Variants in CDH23 observed in about 807,000 individuals in gnomAD.
CDH23 encodes the protein cadherin related 23, also known as cadherin-23.
In CDH23, 189 loss-of-function variants were observed where a neutral mutation model predicts 317.1. The ratio of observed to expected loss-of-function variants is 0.60; its 90% CI spans 0.53 to 0.67. The LOEUF (loss-of-function observed/expected upper bound fraction) is 0.67, where lower values mean the gene tolerates loss of function less well. Ranked by LOEUF, CDH23 falls within the 30% of genes least tolerant of loss-of-function variation. CDH23 has a pLI of 0.00. For synonymous variants in CDH23, 1,839 were observed against 1,876.8 expected (o/e 0.98, Z 0.52); for missense variants, 4,401 against 4,592.4 (o/e 0.96, Z 1.20).
At chr10:71,513,754 G>A (rs968237712) in intron 6 of CDH23, among the ~76,000 whole-genome samples, 2 of 152,198 alleles carry the variant, frequency 1.3e-5, no homozygotes, top group Non-Finnish European at 2.9e-5. Context: ...AAACTAGGGA[G>A]TTGAACCCAG....
At chr10:71,796,254 G>C (rs1432322620) in intron 48 of CDH23, among the ~76,000 whole-genome samples, 1 of 152,214 alleles carries the variant, frequency 6.6e-6, no homozygotes, top group Non-Finnish European at 1.5e-5. Context: ...GCAGGAACAA[G>C]AAAGGTCCCA....
Position 71,566,942 on chromosome 10 carries a change from T to C in CDH23, c.624+6T>C. On this transcript the variant is annotated splice_donor_region_variant and intron_variant, in intron 7 of 69. Transcript: ENST00000224721. ...AGCTCACGGTCAACGCCACAGTGAG[T>C]CTCCATGCTGGGGCCCCGGCCGTCC... 1 of 1,609,974 alleles carries C rather than the reference T, an allele frequency of 6.2e-7. No individual in the cohort carries two copies. The highest frequency in any genetic ancestry group is 2.2e-5 in the East Asian group (1 of 44,838).
intron 6 of CDH23, among the ~76,000 whole-genome samples, chr10:71,534,105 C>T (rs1015041113): frequency 2.6e-5 from 4 of 152,120 alleles, no homozygotes; most frequent in African/African-American, 9.7e-5. Context: ...CCCTTTGCGC[C>T]GAGATGCCCA....
chr10:71,684,147 A>T (rs1227092), intron 18 of CDH23, among the ~76,000 whole-genome samples: 47,598 of 150,684 alleles, frequency 0.32, 8,044 homozygotes, highest in South Asian at 0.44. Flanking sequence ...GTAACCTCCC[A>T]CCTAGAAACA....
At chr10:71,605,222 T>C (rs952404425) in intron 9 of CDH23, among the ~76,000 whole-genome samples, 1 of 152,040 alleles carries the variant, frequency 6.6e-6, no homozygotes, top group Non-Finnish European at 1.5e-5. Context: ...GGATTATTTT[T>C]TAAAGGAACT....
intron 44 of CDH23, among the ~76,000 whole-genome samples, chr10:71,788,677 G>A (rs1267140453): frequency 2.6e-5 from 4 of 151,814 alleles, no homozygotes; most frequent in South Asian, 2.1e-4. Flanking sequence ...GGATGGTCTC[G>A]ATCTCCTGAC....
chr10:71,679,235 G>C (rs1180843239), intron 16 of CDH23, among the ~76,000 whole-genome samples, 152 bp from the exon 17 acceptor site: 2 of 152,180 alleles, frequency 1.3e-5, no homozygotes, highest in African/African-American at 2.4e-5. Context: ...GGTGCCTCCT[G>C]GCGTCCTGGG....
At chr10:71,692,155 G>A (rs1195310148) in intron 20 of CDH23, among the ~76,000 whole-genome samples, 1 of 152,182 alleles carries the variant, frequency 6.6e-6, no homozygotes, top group Non-Finnish European at 1.5e-5. Context: ...TTTTCCAGAT[G>A]AGGAAGCTGA....
chr10:71,547,542 G>T (rs1317476716), intron 6 of CDH23, among the ~76,000 whole-genome samples: 1 of 152,230 alleles, frequency 6.6e-6, no homozygotes, highest in East Asian at 1.9e-4. Flanking sequence ...TAGGGTTGTG[G>T]CGACACGCCC....
intron 38 of CDH23, among the ~76,000 whole-genome samples, chr10:71,765,524 C>T (rs1589408251): frequency 6.6e-6 from 1 of 152,276 alleles, no homozygotes; most frequent in South Asian, 2.1e-4. Flanking sequence ...GGGCAGGGCA[C>T]CAGGCTGGGA....
chr10:71,811,516 G>C lies in CDH23; in HGVS notation c.9204G>C (p.Ala3068=). 6.2e-7 allele frequency: 1 copy of C among 1,613,928 alleles called. No homozygotes were observed. Among genetic ancestry groups the C allele is most frequent in the Non-Finnish European group, 8.5e-7 (1 of 1,179,880 alleles). The change falls in exon 64 of 70, where the codon GCG becomes GCC. Residue 3068 remains alanine, a synonymous_variant. Transcript: ENST00000224721. Reference sequence around the variant, plus strand: ...CCCTGGTCCTGCTCCCGCAGATGGCGATCATCGTCCTGGCTATCCTCCTGT... The same window carrying C: ...CCCTGGTCCTGCTCCCGCAGATGGCCATCATCGTCCTGGCTATCCTCCTGT... The part of the protein sequence containing the change: ...LPDDMSALQM[A]IIVLAILLFL...
chr10:71,780,175 C>T (rs988112310), intron 41 of CDH23, among the ~76,000 whole-genome samples: 2 of 152,130 alleles, frequency 1.3e-5, no homozygotes, highest in African/African-American at 2.4e-5. Flanking sequence ...TTTAATTGGT[C>T]GTGCAGGAAA....
At chr10:71,623,336 C>T (rs1460029067) in intron 11 of CDH23, among the ~76,000 whole-genome samples, 1 of 152,222 alleles carries the variant, frequency 6.6e-6, no homozygotes, top group Non-Finnish European at 1.5e-5. Context: ...GGGCAGAGAT[C>T]CCCAAAAGGG....
At chr10:71,522,041 A>G (rs1383434201) in intron 6 of CDH23, among the ~76,000 whole-genome samples, 1 of 151,608 alleles carries the variant, frequency 6.6e-6, no homozygotes, top group Non-Finnish European at 1.5e-5. Flanking sequence ...TGTCCACTCC[A>G]TGCTGTCTGG....
Position 71,662,333 on chromosome 10 carries a change from C to T in CDH23, c.1450-12779C>T, listed in dbSNP as rs557493466. Among the ~76,000 whole-genome samples, 6 of 152,242 alleles carry T rather than the reference C, an allele frequency of 3.9e-5. No homozygotes were observed. The South Asian group carries it at 1.2e-3, about 32-fold the overall frequency. ...GGGTGTCCTGCCAGGCACCAAGTCA[C>T]CTTGGAGTGAGGACATGTCCCTGGA... On this transcript the variant is annotated intron_variant, in intron 14 of 69. Coordinates refer to ENST00000224721, the MANE Select transcript of CDH23 (RefSeq NM_022124.6).
intron 2 of CDH23, among the ~76,000 whole-genome samples, chr10:71,440,400 G>C (rs1424635727): frequency 4.6e-5 from 7 of 152,224 alleles, no homozygotes; most frequent in Admixed American, 4.6e-4. Flanking sequence ...GGTAATGAAA[G>C]ATGGGCGCGG....
At chr10:71,466,875 G>GGTGT (rs148614100) in intron 3 of CDH23, among the ~76,000 whole-genome samples, 4 of 150,446 alleles carry the variant, frequency 2.7e-5, no homozygotes, top group African/African-American at 7.4e-5. Context: ...CAGCATGAGG[G>GGTGT]GTGTGTGTGT....
At chr10:71,600,244 C>T (rs1860129797) in intron 9 of CDH23, among the ~76,000 whole-genome samples, 1 of 152,022 alleles carries the variant, frequency 6.6e-6, no homozygotes, top group Admixed American at 6.6e-5. Context: ...TCAGTTGATC[C>T]ACCTGCCTTG....
chr10:71,591,666 A>G (rs1859501726), intron 9 of CDH23, among the ~76,000 whole-genome samples: 1 of 152,210 alleles, frequency 6.6e-6, no homozygotes, highest in African/African-American at 2.4e-5. Context: ...TATAGCAGAA[A>G]TTGGGAGGCT....
Sources: allele counts gnomAD v4.1 joint callset (sites outside exome capture counted in the v4.1 genomes callset), GRCh38; gene constraint gnomAD v4.1.1; transcripts MANE v1.5; gene names NCBI Gene and HGNC (gene_info 2026-07-23, HGNC 2026-07-21).